LIG1: variants seen among roughly 807,000 people sequenced by gnomAD.
The protein encoded by LIG1 is DNA ligase 1.
A neutral mutation model predicts 115.7 loss-of-function variants in LIG1; 70 were observed. The ratio of observed to expected loss-of-function variants is 0.60; its 90% CI spans 0.50 to 0.74. The LOEUF (loss-of-function observed/expected upper bound fraction) is 0.74. Ranked by LOEUF, LIG1 falls within the 30% of genes least tolerant of loss-of-function variation. The pLI is 0.00. For missense variants in LIG1, 1,115 were observed against 1,225.6 expected, an observed-to-expected ratio of 0.91 and a Z score of 1.35; for synonymous variants, 487 against 495.3, an observed-to-expected ratio of 0.98 and a Z score of 0.22.
intron 2 of LIG1, among the ~76,000 whole-genome samples, chr19:48,164,758 A>G (rs2036385497): frequency 6.6e-6 from 1 of 152,206 alleles, no homozygotes; most frequent in African/African-American, 2.4e-5. Flanking sequence ...GATATAAGTC[A>G]AGTCATGCCC....
At chr19:48,158,624 T>C (rs527995935) in intron 4 of LIG1, among the ~76,000 whole-genome samples, 28 of 152,360 alleles carry the variant, frequency 1.8e-4, no homozygotes, top group Admixed American at 1.6e-3. Context: ...CACCTGGGCA[T>C]CAGGCAGTGC....
intron 2 of LIG1, among the ~76,000 whole-genome samples, chr19:48,165,056 T>A (rs1265650412): frequency 6.6e-6 from 1 of 152,146 alleles, no homozygotes; most frequent in Admixed American, 6.5e-5. Context: ...GTCAGGAGTT[T>A]GAGACCAGCC....
chr19:48,154,102 C>A (rs964776766), intron 5 of LIG1, 135 bp from the exon 6 acceptor site: 2 of 766,504 alleles, frequency 2.6e-6, no homozygotes, highest in Non-Finnish European at 4.7e-6. Flanking sequence ...ACAGTCACTG[C>A]CCCAGTGCAG....
intron 24 of LIG1, chr19:48,120,132 C>G: frequency 1.0e-5 from 10 of 968,200 alleles, no homozygotes; most frequent in Non-Finnish European, 1.2e-5. Flanking sequence ...TGTCACTGAT[C>G]GTTTAGGTTA....
rs751418904 is a variant in LIG1, at chr19:48,121,238, C to T, written c.2317G>A (p.Gly773Ser). ...GCCAGCAGGAAGCCCCCGTACCGGCCGGCCCGCTTCCCCCGGCCCAGGTAG... is the reference window on the plus strand; with the variant it reads ...GCCAGCAGGAAGCCCCCGTACCGGCTGGCCCGCTTCCCCCGGCCCAGGTAG... ...GAYLGRGKRA[G>S]RYGGFLLASY... Residue 773 changes from glycine (G) to serine (S), a missense_variant, in exon 24 of 28, where the codon GGC becomes AGC. By Grantham distance (56) the Gly-to-Ser change is moderately conservative (BLOSUM62 0). Transcript: ENST00000263274. 22 of 1,613,848 alleles carry T rather than the reference C, an allele frequency of 1.4e-5. No homozygotes were observed. Among genetic ancestry groups the T allele is most frequent in the Admixed American group, 3.3e-5 (2 of 60,002 alleles).
chr19:48,134,079 G>A lies in LIG1; in HGVS notation c.1524-13C>T, dbSNP rs748346416. 12 of 1,552,036 alleles carry A rather than the reference G, an allele frequency of 7.7e-6. No homozygotes were observed. Among genetic ancestry groups the A allele is most frequent in the Non-Finnish European group, 1.0e-5 (12 of 1,146,592 alleles). ...GTCGGGAACCTCGCTGGGGTGGCGGGTGAGAACAAGATAGGGGAAGCCTTT... is the reference window on the plus strand; with the variant it reads ...GTCGGGAACCTCGCTGGGGTGGCGGATGAGAACAAGATAGGGGAAGCCTTT... On this transcript the variant is annotated splice_polypyrimidine_tract_variant and intron_variant, in intron 16 of 27. Coordinates refer to ENST00000263274, the MANE Select transcript of LIG1 (RefSeq NM_000234.3).
intron 20 of LIG1, 25 bp from the exon 21 acceptor site, chr19:48,127,373 G>A (rs112824402): frequency 9.4e-6 from 15 of 1,603,612 alleles, no homozygotes; most frequent in African/African-American, 2.7e-5. Context: ...AACGGAGTTC[G>A]TGAGTGCAGG....
chr19:48,150,765 A>C (rs990075785), intron 7 of LIG1, among the ~76,000 whole-genome samples: 1 of 152,116 alleles, frequency 6.6e-6, no homozygotes, highest in African/African-American at 2.4e-5. Flanking sequence ...TGGTGCGACC[A>C]TAGGTCACTG....
chr19:48,164,321 G>T (rs989143511), intron 2 of LIG1, among the ~76,000 whole-genome samples: 5 of 152,220 alleles, frequency 3.3e-5, no homozygotes, highest in African/African-American at 9.6e-5. Context: ...CCCAGCATTT[G>T]TGTAAGCCAC....
rs368941216 is a variant in LIG1, at chr19:48,137,542, C to T, written c.1234G>A (p.Ala412Thr). 40 of 1,612,944 alleles carry T rather than the reference C, an allele frequency of 2.5e-5. No individual in the cohort carries two copies. Among genetic ancestry groups the T allele is most frequent in the African/African-American group, 2.1e-4 (16 of 74,936 alleles). The change falls in exon 13 of 28, where the codon GCC becomes ACC. Residue 412 changes from alanine (A) to threonine (T), a missense_variant. By Grantham distance (58) the Ala-to-Thr change is moderately conservative. Coordinates refer to ENST00000263274, the MANE Select transcript of LIG1 (RefSeq NM_000234.3). The surrounding 1 kb of genome is among the most constrained non-coding windows in gnomAD (Gnocchi z 4.3). ...CTCACAGCACTGCCAGTGAGCCTGG[C>T]GATGTCGCGGAACTTGCTGAAGACC... ...SGVFSKFRDI[A>T]RLTGSASTAK...
At position 48,157,034 on chromosome 19, in the gene LIG1, C is replaced by T; in HGVS notation, c.350G>A (p.Gly117Glu). The change falls in exon 5 of 28, where the codon GGG becomes GAG. Residue 117 changes from glycine to glutamate, a missense_variant. Transcript: ENST00000263274. ...DTSPMDSSPS[G>E]IPKRRTARKQ... ...CTCACCTGTGCGACGCTTCGGAATCCCTGATGGGGAACTGTCCATGGGAGA... is the reference window on the plus strand; with the variant it reads ...CTCACCTGTGCGACGCTTCGGAATCTCTGATGGGGAACTGTCCATGGGAGA... 6.2e-7 allele frequency: 1 copy of T among 1,600,788 alleles called. No individual in the cohort carries two copies. The highest frequency in any genetic ancestry group is 1.7e-5 in the Admixed American group (1 of 59,410).
In LIG1 at chr19:48,144,576, G is replaced by A. The variant is rs2034997910; in HGVS notation, c.777-613C>T. ...GAGTGCAGTGGCATGATCTCGGCTC[G>A]CTGCAACCTCTGCCTCCTGGCTTCA... On this transcript the variant is annotated intron_variant, in intron 9 of 27. Coordinates refer to ENST00000263274, the MANE Select transcript of LIG1 (RefSeq NM_000234.3). Among the ~76,000 whole-genome samples, 4 of 151,064 alleles carry A rather than the reference G, an allele frequency of 2.6e-5. No individual in the cohort carries two copies. In the South Asian group the frequency reaches 6.3e-4, roughly 24 times the overall value.
rs111846131 is a variant in LIG1, at chr19:48,143,591, T to A, written c.866A>T (p.Tyr289Phe). 2.5e-6 allele frequency: 4 copies of A among 1,597,538 alleles called. No individual in the cohort carries two copies. The African/African-American group carries it at 5.5e-5, about 22-fold the overall frequency. ...ACWKPGQKVP[Y>F]LAVARTFEKI... ...CTCAAACGTCCGGGCCACAGCCAGG[T>A]AAGGAACCCTAGGGAAGGAAAAGAG... Residue 289 changes from tyrosine to phenylalanine, a missense_variant, in exon 11 of 28, where the codon TAC becomes TTC. Coordinates refer to ENST00000263274, the MANE Select transcript of LIG1 (RefSeq NM_000234.3).
intron 6 of LIG1, among the ~76,000 whole-genome samples, chr19:48,151,816 T>C (rs1243439142): frequency 6.6e-6 from 1 of 152,234 alleles, no homozygotes; most frequent in East Asian, 1.9e-4. Context: ...CCAGCCCGTT[T>C]GCCTATGTAG....
At chr19:48,156,471 G>A (rs1045624890) in intron 5 of LIG1, among the ~76,000 whole-genome samples, 13 of 152,262 alleles carry the variant, frequency 8.5e-5, no homozygotes, top group African/African-American at 2.9e-4. Flanking sequence ...ATTTCTGTGC[G>A]GTAGGTGCTA....
At chr19:48,144,021 T>C in intron 9 of LIG1, 58 bp from the exon 10 acceptor site, 1 of 1,324,612 alleles carries the variant, frequency 7.5e-7, no homozygotes, top group South Asian at 1.2e-5. Flanking sequence ...GCAAAGTCAT[T>C]CCTTCCAACT....
At chr19:48,124,198 T>A (rs2033505237) in intron 21 of LIG1, among the ~76,000 whole-genome samples, 1 of 152,238 alleles carries the variant, frequency 6.6e-6, no homozygotes, top group Non-Finnish European at 1.5e-5. Context: ...CAGGGGGACA[T>A]TCACGTGTTT....
At chr19:48,139,589 C>T (rs982725821) in intron 12 of LIG1, among the ~76,000 whole-genome samples, 1 of 152,156 alleles carries the variant, frequency 6.6e-6, no homozygotes, top group Non-Finnish European at 1.5e-5. Context: ...CTGCTGGCCC[C>T]CCACACACCA....
At chr19:48,170,020 G>C (rs1174542411) in intron 1 of LIG1, 1 of 332,392 alleles carries the variant, frequency 3.0e-6, no homozygotes, top group Non-Finnish European at 5.9e-6. Flanking sequence ...TCTGTCTCTC[G>C]TCTACCCTCT....
Sources: allele counts gnomAD v4.1 joint callset (sites outside exome capture counted in the v4.1 genomes callset), GRCh38; gene constraint gnomAD v4.1.1; non-coding constraint Gnocchi (gnomAD v3.1); transcripts MANE v1.5; gene names NCBI Gene and HGNC (gene_info 2026-07-23, HGNC 2026-07-21).